The following GATAD2A variants were observed in gnomAD, a reference collection of about 807,000 sequenced individuals.
GATAD2A encodes GATA zinc finger domain containing 2A.
In GATAD2A, 12 loss-of-function variants were observed where a neutral mutation model predicts 68.5. That is an observed-to-expected ratio of 0.18 (90% CI 0.11 to 0.28). The LOEUF (loss-of-function observed/expected upper bound fraction) is 0.28. GATAD2A is among the 10% of genes least tolerant of loss of function. The pLI is 1.00. For missense variants in GATAD2A, 755 were observed against 868.5 expected (o/e 0.87, Z 1.64); for synonymous variants, 410 against 375.3 (o/e 1.09, Z -1.07).
chr19:19,462,608 C>T (rs1214507317), intron 1 of GATAD2A, among the ~76,000 whole-genome samples: 1 of 152,222 alleles, frequency 6.6e-6, no homozygotes, highest in African/African-American at 2.4e-5. Flanking sequence ...GCCAGCCAGC[C>T]CTCTGCTGAG....
At chr19:19,463,554 C>G (rs971749790) in intron 1 of GATAD2A, among the ~76,000 whole-genome samples, 1 of 152,062 alleles carries the variant, frequency 6.6e-6, no homozygotes, top group Non-Finnish European at 1.5e-5. Context: ...GGAGGCCGCA[C>G]AGTTGGTGTG....
intron 1 of GATAD2A, among the ~76,000 whole-genome samples, chr19:19,458,891 CT>C (rs930425682): frequency 2.6e-5 from 4 of 152,204 alleles, no homozygotes; most frequent in African/African-American, 7.2e-5. Flanking sequence ...CAGCTTCCCC[CT>C]CTCTCCAGAG....
At chr19:19,461,973 A>C (rs1328466412) in intron 1 of GATAD2A, among the ~76,000 whole-genome samples, 1 of 152,178 alleles carries the variant, frequency 6.6e-6, no homozygotes, top group Non-Finnish European at 1.5e-5. Flanking sequence ...CAGCTCCCGC[A>C]CAACCCTTGC....
chr19:19,419,672 A>G (rs918581253), intron 1 of GATAD2A, among the ~76,000 whole-genome samples: 2 of 152,082 alleles, frequency 1.3e-5, no homozygotes, highest in Non-Finnish European at 2.9e-5. Flanking sequence ...ACAAGCCACC[A>G]TGCCCAGCTA....
intron 7 of GATAD2A, among the ~76,000 whole-genome samples, chr19:19,497,671 C>G (rs187177678): frequency 6.6e-6 from 1 of 152,264 alleles, no homozygotes; most frequent in Admixed American, 6.5e-5. Context: ...CACAGTGTGG[C>G]ATTTGCAAGT....
chr19:19,476,599 G>A (rs1045005378), intron 2 of GATAD2A, among the ~76,000 whole-genome samples: 1 of 152,230 alleles, frequency 6.6e-6, no homozygotes, highest in South Asian at 2.1e-4. Context: ...GCTACGGGGC[G>A]GCTTCTGAGT....
Position 19,495,587 on chromosome 19 carries a change from A to G in GATAD2A, c.625-167A>G, listed in dbSNP as rs560094168. Among the ~76,000 whole-genome samples the G allele has an allele frequency of 4.7e-5, 7 of 148,538 alleles. No individual in the cohort carries two copies. The East Asian group carries it at 1.2e-3, about 25-fold the overall frequency. On this transcript the variant is annotated intron_variant, in intron 5 of 11. Transcript: ENST00000683918. ...CTCACAAAGTGCTGGGATTACAGGC[A>G]TGTGCCACTGTGCCCATCCATAATT...
At chr19:19,406,564 C>T (rs1173241041) in intron 1 of GATAD2A, among the ~76,000 whole-genome samples, 1 of 152,148 alleles carries the variant, frequency 6.6e-6, no homozygotes, top group African/African-American at 2.4e-5. Flanking sequence ...GCCTAACCCC[C>T]GGGAGCCGCG....
chr19:19,450,108 C>T (rs2056213427), intron 1 of GATAD2A, among the ~76,000 whole-genome samples: 1 of 152,146 alleles, frequency 6.6e-6, no homozygotes, highest in African/African-American at 2.4e-5. Context: ...TTTTTAATTA[C>T]CTGCATTTCT....
intron 1 of GATAD2A, among the ~76,000 whole-genome samples, chr19:19,453,683 T>TTC (rs1387676691): frequency 5.3e-5 from 8 of 149,798 alleles, no homozygotes; most frequent in South Asian, 2.1e-4. Context: ...TTTTAAAATT[T>TTC]TTTTTTTTTT....
chr19:19,395,764 C>T (rs570223987), intron 1 of GATAD2A, among the ~76,000 whole-genome samples: 15 of 152,288 alleles, frequency 9.8e-5, no homozygotes, highest in Admixed American at 7.2e-4. Flanking sequence ...CAGTTACTTA[C>T]AGCTTTTTGC....
At chr19:19,450,743 TA>T (rs3031870) in intron 1 of GATAD2A, among the ~76,000 whole-genome samples, 22,553 of 125,110 alleles carry the variant, frequency 0.18, 2,637 homozygotes, top group African/African-American at 0.35. Flanking sequence ...CTCATTACAT[TA>T]AAAAAAAAAA....
At chr19:19,454,897 A>G (rs1214261424) in intron 1 of GATAD2A, among the ~76,000 whole-genome samples, 1 of 152,236 alleles carries the variant, frequency 6.6e-6, no homozygotes, top group African/African-American at 2.4e-5. Context: ...GGTTTTGTTC[A>G]GGAGAAACAC....
intron 1 of GATAD2A, among the ~76,000 whole-genome samples, chr19:19,450,287 C>T (rs1301265782): frequency 6.6e-6 from 1 of 152,220 alleles, no homozygotes; most frequent in Admixed American, 6.5e-5. Context: ...GTGCTGGGCA[C>T]ACCTGGGTTG....
Position 19,493,681 on chromosome 19 carries a change from C to T in GATAD2A, c.535-613C>T, listed in dbSNP as rs1449688549. ...CAGGAGCTGAAGGAAGGACAGGACTCTCTCTGCTCTGGCTTGGGGTTTGTT... is the reference window on the plus strand; with the variant it reads ...CAGGAGCTGAAGGAAGGACAGGACTTTCTCTGCTCTGGCTTGGGGTTTGTT... On this transcript the variant is annotated intron_variant, in intron 4 of 11. Transcript: ENST00000683918. 2.0e-5 allele frequency among the ~76,000 whole-genome samples: 3 copies of T among 152,294 alleles called. No homozygotes were observed. The East Asian group carries it at 5.8e-4, about 29-fold the overall frequency.
At chr19:19,439,090 C>T (rs2054687728) in intron 1 of GATAD2A, among the ~76,000 whole-genome samples, 1 of 152,182 alleles carries the variant, frequency 6.6e-6, no homozygotes, top group Non-Finnish European at 1.5e-5. Context: ...GGGAGCAGGG[C>T]CGGAGGAGGG....
intron 8 of GATAD2A, among the ~76,000 whole-genome samples, chr19:19,500,137 G>T (rs1034550014): frequency 7.9e-5 from 12 of 152,220 alleles, no homozygotes; most frequent in African/African-American, 2.9e-4. Context: ...ACCTCACTGT[G>T]GGAGAGACTT....
intron 10 of GATAD2A, 51 bp downstream of exon 10, chr19:19,502,094 G>A (rs1393980519): frequency 2.9e-6 from 4 of 1,362,104 alleles, no homozygotes; most frequent in African/African-American, 2.9e-5. Context: ...CGCAGCCCGT[G>A]ACCACGTCAG....
intron 1 of GATAD2A, among the ~76,000 whole-genome samples, chr19:19,456,409 C>T (rs950822045): frequency 5.3e-5 from 8 of 152,060 alleles, no homozygotes; most frequent in Non-Finnish European, 8.8e-5. Flanking sequence ...AAGTTTTCCC[C>T]GAGGTGAGGG....
Sources: gnomAD v4.1 joint callset for allele counts (sites outside exome capture counted in the v4.1 genomes callset) on GRCh38, gnomAD v4.1.1 for gene constraint, MANE v1.5 for transcripts, NCBI Gene and HGNC (gene_info 2026-07-23, HGNC 2026-07-21) for gene names.